Variants in DNAJC15 observed in about 807,000 individuals in gnomAD.
The protein encoded by DNAJC15 is DnaJ heat shock protein family (Hsp40) member C15, also known as dnaJ homolog subfamily C member 15.
DNAJC15 carries 27 observed loss-of-function variants against 22.4 expected under a neutral mutation model. The ratio of observed to expected loss-of-function variants is 1.20; its 90% CI spans 0.89 to 1.66. The LOEUF is 1.66. Ranked by LOEUF, DNAJC15 falls within the 40% of genes most tolerant of loss-of-function variation. The probability of loss-of-function intolerance (pLI) is 0.00; values close to 1 mark genes in which losing one functional copy is unlikely to be tolerated. For synonymous variants in DNAJC15, 79 were observed against 63.2 expected, an observed-to-expected ratio of 1.25 and a Z score of -1.19; for missense variants, 208 against 187.1, an observed-to-expected ratio of 1.11 and a Z score of -0.65.
intron 1 of DNAJC15, among the ~76,000 whole-genome samples, chr13:43,033,857 GTC>G (rs1160643608): frequency 6.6e-6 from 1 of 151,872 alleles, no homozygotes; most frequent in Non-Finnish European, 1.5e-5. Flanking sequence ...GGCAAAACCC[GTC>G]TCTACTAAAA....
At chr13:43,056,766 C>T (rs2040533535) in intron 1 of DNAJC15, among the ~76,000 whole-genome samples, 1 of 151,822 alleles carries the variant, frequency 6.6e-6, no homozygotes, top group African/African-American at 2.4e-5. Context: ...ATATAATGTC[C>T]CTCTTTGTGT....
intron 1 of DNAJC15, among the ~76,000 whole-genome samples, chr13:43,024,576 C>T (rs1297458767): frequency 6.6e-6 from 1 of 151,808 alleles, no homozygotes; most frequent in East Asian, 1.9e-4. Flanking sequence ...GATCTGCTTA[C>T]CTCGTGATCC....
chr13:43,027,606 T>C (rs1470391883), intron 1 of DNAJC15, among the ~76,000 whole-genome samples: 1 of 152,222 alleles, frequency 6.6e-6, no homozygotes, highest in Non-Finnish European at 1.5e-5. Flanking sequence ...TTAACAATAC[T>C]TTGAAGCTTA....
At chr13:43,049,185 C>T (rs1593314076) in intron 1 of DNAJC15, among the ~76,000 whole-genome samples, 1 of 152,112 alleles carries the variant, frequency 6.6e-6, no homozygotes. Context: ...CTGGTTATTG[C>T]CTAGTTGGTA....
rs115226695 is a variant in DNAJC15, at chr13:43,065,048, T to C, written c.109-638T>C. Among the ~76,000 whole-genome samples the C allele has an allele frequency of 7.7e-4, 117 of 152,096 alleles. 1 individual carries two copies. Among genetic ancestry groups the C allele is most frequent in the African/African-American group, 2.6e-3 (108 of 41,506 alleles). On this transcript the variant is annotated intron_variant, in intron 1 of 5. Transcript: ENST00000379221. ...CATAAATCTTTTGTTATTGTGACAC[T>C]AATAGTTTCCTGAGATGTTTAAGGA...
chr13:43,051,414 C>T (rs978456977), intron 1 of DNAJC15, among the ~76,000 whole-genome samples: 1 of 152,112 alleles, frequency 6.6e-6, no homozygotes, highest in Non-Finnish European at 1.5e-5. Context: ...TCTTTTATCC[C>T]TCGCTCCCAC....
intron 5 of DNAJC15, among the ~76,000 whole-genome samples, chr13:43,099,501 G>A (rs986359208): frequency 6.6e-6 from 1 of 152,184 alleles, no homozygotes; most frequent in African/African-American, 2.4e-5. Flanking sequence ...CATTCAATCT[G>A]TGGGTTTTTT....
chr13:43,071,183 G>A (rs117414577), intron 3 of DNAJC15, among the ~76,000 whole-genome samples: 1,608 of 152,308 alleles, frequency 0.011, 12 homozygotes, highest in Non-Finnish European at 0.016. Flanking sequence ...GTAGTTGGTA[G>A]AGGCTTACAG....
At chr13:43,081,259 T>C (rs1368680438) in intron 4 of DNAJC15, among the ~76,000 whole-genome samples, 1 of 152,216 alleles carries the variant, frequency 6.6e-6, no homozygotes, top group African/African-American at 2.4e-5. Flanking sequence ...ATATCACCCA[T>C]GGGTTCTTGT....
rs1371088725 is a variant in DNAJC15, at chr13:43,023,657, G to A, written c.31G>A (p.Gly11Ser). The A allele has an allele frequency of 3.1e-6, 5 of 1,612,524 alleles. No individual in the cohort carries two copies. Among genetic ancestry groups the A allele is most frequent in the Non-Finnish European group, 4.2e-6 (5 of 1,179,412 alleles). ...TGCCCGTGGTGTCATCGCTCCAGTT[G>A]GCGAGAGTTTGCGCTACGCTGAGTA... is the stretch of plus-strand genomic sequence containing the variant. Reference protein sequence around the residue: MAARGVIAPVGESLRYAEYLQ... With the variant: MAARGVIAPVSESLRYAEYLQ... Residue 11 changes from glycine to serine, a missense_variant, in exon 1 of 6, where the codon GGC (glycine) becomes AGC (serine). Transcript: ENST00000379221.
intron 3 of DNAJC15, among the ~76,000 whole-genome samples, chr13:43,071,554 A>T (rs151057456): frequency 3.2e-4 from 49 of 152,366 alleles, no homozygotes; most frequent in Non-Finnish European, 3.4e-4. Flanking sequence ...TTCCAGGGAA[A>T]CTGAGAAATG....
At chr13:43,055,698 T>G (rs1247978912) in intron 1 of DNAJC15, among the ~76,000 whole-genome samples, 2 of 152,230 alleles carry the variant, frequency 1.3e-5, no homozygotes, top group Non-Finnish European at 2.9e-5. Context: ...GTTTCACTTT[T>G]GTTTTGTTGT....
At chr13:43,048,325 C>CAAAAAAAAAAAAAAA (rs766125510) in intron 1 of DNAJC15, among the ~76,000 whole-genome samples, 1 of 130,350 alleles carries the variant, frequency 7.7e-6, no homozygotes, top group Non-Finnish European at 1.7e-5. Flanking sequence ...ACTAAAAATA[C>CAAAAAAAAAAAAAAA]AAAAAAAAAA....
intron 1 of DNAJC15, among the ~76,000 whole-genome samples, chr13:43,034,176 A>G (rs112801044): frequency 2.0e-5 from 3 of 152,082 alleles, no homozygotes; most frequent in African/African-American, 7.2e-5. Flanking sequence ...TTATTTGCAT[A>G]CTGCACTTTT....
intron 1 of DNAJC15, among the ~76,000 whole-genome samples, chr13:43,034,558 G>C (rs536043250): frequency 6.6e-6 from 1 of 151,518 alleles, no homozygotes; most frequent in African/African-American, 2.4e-5. Flanking sequence ...CTAGTGATCC[G>C]CCCGCCTCGG....
At chr13:43,083,157 A>G (rs941181651) in intron 4 of DNAJC15, among the ~76,000 whole-genome samples, 2 of 151,696 alleles carry the variant, frequency 1.3e-5, no homozygotes, top group African/African-American at 4.8e-5. Flanking sequence ...ACGATATATA[A>G]TCCTAATTTC....
intron 5 of DNAJC15, among the ~76,000 whole-genome samples, chr13:43,100,994 A>C (rs2040766067): frequency 6.6e-6 from 1 of 152,132 alleles, no homozygotes. Flanking sequence ...CCCGTTTTTC[A>C]TTATGGAATG....
chr13:43,114,130 T>C lies in DNAJC15; in HGVS notation c.*6882T>C, dbSNP rs146533509. 14 of 152,312 alleles carry C rather than the reference T, an allele frequency of 9.2e-5. No individual in the cohort carries two copies. The South Asian group carries it at 1.0e-3, about 11-fold the overall frequency. The allele number at this position is 152,312 out of a possible 1,614,324, so 9.4% of individuals were successfully genotyped here. On this transcript the variant is annotated 3_prime_UTR_variant, in exon 6 of 6. Coordinates refer to ENST00000379221, the MANE Select transcript of DNAJC15 (RefSeq NM_013238.3). ...CTGTTGTGTTTGTTTTGCTTTAAAA[T>C]TGTAAAGGATAAACAATAAGATAGT...
At chr13:43,041,828 A>G (rs554254115) in intron 1 of DNAJC15, among the ~76,000 whole-genome samples, 9 of 152,352 alleles carry the variant, frequency 5.9e-5, no homozygotes, top group Non-Finnish European at 7.3e-5. Flanking sequence ...TATTTAGCCT[A>G]TGCTATATAC....
Sources: allele counts gnomAD v4.1 joint callset (sites outside exome capture counted in the v4.1 genomes callset), GRCh38; gene constraint gnomAD v4.1.1; transcripts MANE v1.5; gene names NCBI Gene and HGNC (gene_info 2026-07-23, HGNC 2026-07-21).